HCK: variants seen among roughly 807,000 people sequenced by gnomAD.
The protein encoded by HCK is HCK proto-oncogene, Src family tyrosine kinase.
Under a neutral mutation model 70.4 loss-of-function variants are expected in HCK, and 40 were observed. The ratio of observed to expected loss-of-function variants is 0.57; its 90% CI spans 0.44 to 0.74. The LOEUF is 0.74. Among genes scored for constraint, HCK ranks in the 30% least tolerant of loss-of-function variants. The pLI, the probability that HCK is intolerant of heterozygous loss-of-function variation, is 0.00. For missense variants in HCK, 568 were observed against 697.2 expected (o/e 0.81, Z 2.09); for synonymous variants, 245 against 263.2 (o/e 0.93, Z 0.67).
intron 1 of HCK, among the ~76,000 whole-genome samples, chr20:32,056,806 C>T (rs990289522): frequency 6.6e-6 from 1 of 152,142 alleles, no homozygotes; most frequent in African/African-American, 2.4e-5. Flanking sequence ...GGACTTTAAA[C>T]TCTTCTAGAA....
chr20:32,064,126 C>T (rs2045422281), intron 1 of HCK, among the ~76,000 whole-genome samples: 1 of 150,390 alleles, frequency 6.6e-6, no homozygotes, highest in Non-Finnish European at 1.5e-5. Flanking sequence ...GCCTCAGCCT[C>T]CCAAGTAGCT....
chr20:32,079,054 G>A (rs2045670972), intron 5 of HCK, among the ~76,000 whole-genome samples: 1 of 152,128 alleles, frequency 6.6e-6, no homozygotes, highest in Non-Finnish European at 1.5e-5. Flanking sequence ...GGTCAGGTCT[G>A]GGGCTTTTTT....
intron 11 of HCK, among the ~76,000 whole-genome samples, chr20:32,094,785 A>AAG (rs1291841082): frequency 2.0e-4 from 15 of 74,778 alleles, no homozygotes; most frequent in Non-Finnish European, 2.5e-4. Context: ...AAGAGAGAGA[A>AAG]AGAGAAAGAA....
intron 1 of HCK, chr20:32,054,182 T>TATC (rs1490424292): frequency 2.2e-6 from 1 of 456,284 alleles, no homozygotes; most frequent in Admixed American, 2.4e-5. Context: ...CCCCACCTTG[T>TATC]ATCACTCTCA....
chr20:32,069,737 T>C (rs1392223378), intron 1 of HCK: 1 of 1,270,556 alleles, frequency 7.9e-7, no homozygotes, highest in Non-Finnish European at 1.0e-6. Flanking sequence ...TCTTTCCCAG[T>C]TCCCACCAGA....
At chr20:32,061,061 G>A (rs2045363036) in intron 1 of HCK, among the ~76,000 whole-genome samples, 1 of 152,094 alleles carries the variant, frequency 6.6e-6, no homozygotes, top group Non-Finnish European at 1.5e-5. Flanking sequence ...TTGGCTCACT[G>A]CAACCTCCGC....
At position 32,084,428 on chromosome 20, in the gene HCK, C is replaced by T; in HGVS notation, c.720C>T (p.Pro240=). The T allele has an allele frequency of 6.2e-7, 1 of 1,614,094 alleles. No individual in the cohort carries two copies. The highest frequency in any genetic ancestry group is 8.5e-7 in the Non-Finnish European group (1 of 1,179,966). Residue 240 remains proline, a synonymous_variant, in exon 8 of 13, where the codon CCC becomes CCT. Coordinates refer to ENST00000375852, the MANE Select transcript of HCK (RefSeq NM_002110.5). ...GGCTCTGCCAGAAACTGTCGGTGCC[C>T]TGCATGTCTTCCAAGCCCCAGAAGC... is the stretch of plus-strand genomic sequence containing the variant.
intron 3 of HCK, 94 bp downstream of exon 3, chr20:32,073,455 C>A: frequency 1.8e-6 from 2 of 1,142,148 alleles, no homozygotes; most frequent in South Asian, 2.8e-5. Flanking sequence ...CCCAAACAGT[C>A]AAACCCCTGT....
intron 12 of HCK, 152 bp downstream of exon 12, chr20:32,099,287 C>CTAA: frequency 1.4e-6 from 1 of 715,156 alleles, no homozygotes; most frequent in Non-Finnish European, 2.3e-6. Context: ...CTCCATCCAT[C>CTAA]TAATGTCTTA....
chr20:32,080,391 G>T (rs1448751424), intron 6 of HCK, among the ~76,000 whole-genome samples: 3 of 152,068 alleles, frequency 2.0e-5, no homozygotes, highest in African/African-American at 7.2e-5. Context: ...TAGAGACAGG[G>T]TTTCACCATG....
At chr20:32,065,709 C>G (rs1475543905) in intron 1 of HCK, among the ~76,000 whole-genome samples, 1 of 152,210 alleles carries the variant, frequency 6.6e-6, no homozygotes, top group Non-Finnish European at 1.5e-5. Flanking sequence ...GAACCAATCT[C>G]TGTAGCCAGG....
At chr20:32,074,219 C>G (rs1363891862) in intron 4 of HCK, among the ~76,000 whole-genome samples, 1 of 152,166 alleles carries the variant, frequency 6.6e-6, no homozygotes, top group East Asian at 1.9e-4. Context: ...TGTGCTGAAG[C>G]CCGAGAACGG....
rs2227967 is a variant in HCK at position 32,073,771 on chromosome 20, C to A, written c.282C>A (p.His94Gln). 6.4e-7 allele frequency: 1 copy of A among 1,556,468 alleles called. No individual in the cohort carries two copies. The highest frequency in any genetic ancestry group is 1.9e-5 in the Admixed American group (1 of 51,710). ...TGTATGATTACGAGGCCATTCACCACGAAGACCTCAGCTTCCAGAAGGGGG... is the reference window on the plus strand; with the variant it reads ...TGTATGATTACGAGGCCATTCACCAAGAAGACCTCAGCTTCCAGAAGGGGG... Residue 94 changes from histidine to glutamine, a missense_variant, in exon 4 of 13, where the codon CAC becomes CAA. His to Gln is a conservative substitution (Grantham distance 24). Coordinates refer to ENST00000375852, the MANE Select transcript of HCK (RefSeq NM_002110.5).
chr20:32,084,765 T>G (rs1555876779), intron 8 of HCK, among the ~76,000 whole-genome samples: 1 of 152,236 alleles, frequency 6.6e-6, no homozygotes, highest in Non-Finnish European at 1.5e-5. Flanking sequence ...GGTCAAAAAC[T>G]TCCTTCTGGG....
intron 11 of HCK, among the ~76,000 whole-genome samples, chr20:32,094,462 T>C (rs1035731537): frequency 6.6e-6 from 1 of 152,004 alleles, no homozygotes; most frequent in African/African-American, 2.4e-5. Context: ...GGAGGACTGC[T>C]TGAGCCCAGA....
At chr20:32,090,910 T>A (rs1201609639) in intron 10 of HCK, among the ~76,000 whole-genome samples, 2 of 152,196 alleles carry the variant, frequency 1.3e-5, no homozygotes, top group East Asian at 1.9e-4. Flanking sequence ...TTTCCCCCAC[T>A]GGGAGCACTG....
At chr20:32,096,863 G>A (rs1319557808) in intron 11 of HCK, among the ~76,000 whole-genome samples, 7 of 152,062 alleles carry the variant, frequency 4.6e-5, no homozygotes, top group Admixed American at 3.9e-4. Context: ...GTTCTGAAAT[G>A]CTGAAAATGT....
intron 2 of HCK, among the ~76,000 whole-genome samples, chr20:32,072,973 G>A (rs1008315511): frequency 3.3e-5 from 5 of 151,964 alleles, no homozygotes; most frequent in African/African-American, 1.2e-4. Flanking sequence ...GGTGGCATGC[G>A]CCTGTAATCC....
chr20:32,071,025 T>C (rs1007276278), intron 1 of HCK, among the ~76,000 whole-genome samples: 49 of 151,768 alleles, frequency 3.2e-4, no homozygotes, highest in African/African-American at 1.1e-3. Flanking sequence ...ATTTATAAAT[T>C]GATACCAGTA....
Sources: allele counts gnomAD v4.1 joint callset (sites outside exome capture counted in the v4.1 genomes callset), GRCh38; gene constraint gnomAD v4.1.1; transcripts MANE v1.5; gene names NCBI Gene and HGNC (gene_info 2026-07-23, HGNC 2026-07-21).